Variants in R3HDML observed in about 807,000 individuals in gnomAD.
The protein encoded by R3HDML is R3H domain containing like, also known as peptidase inhibitor R3HDML.
R3HDML carries 21 observed loss-of-function variants against 24.2 expected under a neutral mutation model. The ratio of observed to expected loss-of-function variants is 0.87; its 90% confidence interval spans 0.62 to 1.25. The LOEUF is 1.25. Among genes scored for constraint, R3HDML ranks in the 50% most tolerant of loss-of-function variants. R3HDML has a pLI of 0.00. For missense variants in R3HDML, 301 were observed against 340.3 expected, an observed-to-expected ratio of 0.88 and a Z score of 0.91; for synonymous variants, 133 against 131.5, an observed-to-expected ratio of 1.01 and a Z score of -0.08.
At chr20:44,346,424 T>C (rs145867457) in intron 4 of R3HDML, among the ~76,000 whole-genome samples, 41 of 152,348 alleles carry the variant, frequency 2.7e-4, no homozygotes, top group African/African-American at 9.9e-4. Context: ...CAATAATCCT[T>C]TTCCTTTACC....
rs754265237 is a variant in R3HDML, at chr20:44,350,826, GC to G, written c.*36del. ...TGGGCTTTGGTGCGCCTCCAGCTGG[GC>G]CTGACCCTCCATGTCCTGCCCTCAA... On this transcript the variant is annotated 3_prime_UTR_variant, in exon 5 of 5. Transcript: ENST00000217043. 1 of 1,612,086 alleles carries G rather than the reference GC, an allele frequency of 6.2e-7. No homozygotes were observed. The highest frequency in any genetic ancestry group is 1.7e-5 in the Admixed American group (1 of 59,578).
intron 4 of R3HDML, among the ~76,000 whole-genome samples, 180 bp downstream of exon 4, chr20:44,345,558 C>T (rs1373551675): frequency 6.6e-6 from 1 of 152,080 alleles, no homozygotes; most frequent in African/African-American, 2.4e-5. Context: ...AATCCCAGCA[C>T]TTTGGGAAGC....
Position 44,337,281 on chromosome 20 carries a change from C to T in R3HDML, c.124C>T (p.Arg42Trp), listed in dbSNP as rs201601041. The stretch of plus-strand genomic sequence containing the variant: ...GGCCCAGCCCGAGAGCACGGCTATG[C>T]GGCTCCTGAGTGGCCTGGAGGTGCC... ...APAQPESTAM[R>W]LLSGLEVPRY... Residue 42 changes from arginine to tryptophan, a missense_variant, in exon 1 of 5, where the codon CGG becomes TGG. Arg to Trp is a moderately radical substitution (Grantham distance 101, BLOSUM62 -3). Transcript: ENST00000217043. This position sits in a 1 kb window ranked among gnomAD's most constrained non-coding sequence, Gnocchi z 4.7. The T allele has an allele frequency of 1.1e-5, 18 of 1,614,058 alleles. No individual in the cohort carries two copies. Among genetic ancestry groups the T allele is most frequent in the African/African-American group, 5.3e-5 (4 of 74,934 alleles).
At chr20:44,338,357 T>A (rs1296961517) in intron 1 of R3HDML, among the ~76,000 whole-genome samples, 1 of 152,190 alleles carries the variant, frequency 6.6e-6, no homozygotes, top group Non-Finnish European at 1.5e-5. Context: ...CAAGGCCCCT[T>A]CCTTCACGAA....
At chr20:44,343,645 T>G in intron 3 of R3HDML, 136 bp downstream of exon 3, 1 of 912,378 alleles carries the variant, frequency 1.1e-6, no homozygotes, top group Non-Finnish European at 1.6e-6. Flanking sequence ...GGCATATTCC[T>G]GGAAAGTTGT....
rs2062777567 is a variant in R3HDML at position 44,343,455 on chromosome 20, T to C, written c.459T>C (p.Cys153=). ...ACTTGTTTCCGGCCCCAAGGGACTG[T>C]AACCCACACTGCCCCTGGCGCTGCG... The part of the protein sequence containing the change: ...WHYLFPAPRD[C]NPHCPWRCDG... Residue 153 remains cysteine (C), a synonymous_variant, in exon 3 of 5, where the codon TGT becomes TGC. Transcript: ENST00000217043. 2 of 1,613,040 alleles carry C rather than the reference T, an allele frequency of 1.2e-6. No individual in the cohort carries two copies. Among genetic ancestry groups the C allele is most frequent in the Non-Finnish European group, 8.5e-7 (1 of 1,179,570 alleles).
chr20:44,337,289 G>A lies in R3HDML; in HGVS notation c.132G>A (p.Leu44=), dbSNP rs1334950559. The change falls in exon 1 of 5, where the codon CTG becomes CTA. Residue 44 remains leucine, a synonymous_variant. Coordinates refer to ENST00000217043, the MANE Select transcript of R3HDML (RefSeq NM_178491.4). The surrounding 1 kb of genome is among the most constrained non-coding windows in gnomAD (Gnocchi z 4.7). ...AQPESTAMRL[L]SGLEVPRYRR... ...CCGAGAGCACGGCTATGCGGCTCCT[G>A]AGTGGCCTGGAGGTGCCCAGGTACC... 1.2e-6 allele frequency: 2 copies of A among 1,614,204 alleles called. No homozygotes were observed. Among genetic ancestry groups the A allele is most frequent in the South Asian group, 1.1e-5 (1 of 91,088 alleles).
intron 2 of R3HDML, among the ~76,000 whole-genome samples, chr20:44,342,680 G>A (rs1019698291): frequency 6.6e-6 from 1 of 152,062 alleles, no homozygotes; most frequent in African/African-American, 2.4e-5. Flanking sequence ...GGCCGGGTGC[G>A]GTGGCTCATG....
intron 1 of R3HDML, among the ~76,000 whole-genome samples, chr20:44,340,700 C>T (rs1318428400): frequency 2.0e-5 from 3 of 151,974 alleles, no homozygotes; most frequent in African/African-American, 7.3e-5. Flanking sequence ...GTGGGAGGAT[C>T]GCCTCTCACC....
In R3HDML at chr20:44,343,827, A is replaced by G. The variant is rs982858341; in HGVS notation, c.513+318A>G. On this transcript the variant is annotated intron_variant, in intron 3 of 4. Coordinates refer to ENST00000217043, the MANE Select transcript of R3HDML (RefSeq NM_178491.4). ...ACTCTGTCCCCCCCGCAAAAAATTA[A>G]AAGTTATATATATATAAAGAAAGAA... 5.9e-5 allele frequency among the ~76,000 whole-genome samples: 9 copies of G among 152,200 alleles called. No individual in the cohort carries two copies. In the East Asian group the frequency reaches 1.7e-3, roughly 29 times the overall value.
intron 1 of R3HDML, among the ~76,000 whole-genome samples, chr20:44,338,541 A>G (rs2062763862): frequency 6.6e-6 from 1 of 152,206 alleles, no homozygotes; most frequent in African/African-American, 2.4e-5. Context: ...GTTAGCACCT[A>G]GAATGCCCTC....
intron 4 of R3HDML, among the ~76,000 whole-genome samples, chr20:44,348,496 TTTCCTTTCCTTTC>T (rs2062796825): frequency 1.5e-5 from 1 of 64,612 alleles, no homozygotes; most frequent in African/African-American, 5.9e-5. Context: ...TTTCCTTTCC[TTTCCTTTCCTTTC>T]CTTTCCTTTC....
At chr20:44,344,874 T>G (rs2062782068) in intron 3 of R3HDML, 1 of 187,664 alleles carries the variant, frequency 5.3e-6, no homozygotes, top group African/African-American at 2.4e-5. Flanking sequence ...CTCAATTGAT[T>G]GTTTACAGTC....
chr20:44,337,246 C>CCCCAGCCCCGG lies in R3HDML; in HGVS notation c.98_108dup (p.Glu37ArgfsTer12). 1 of 1,614,048 alleles carries CCCCAGCCCCGG rather than the reference C, an allele frequency of 6.2e-7. No individual in the cohort carries two copies. The highest frequency in any genetic ancestry group is 1.1e-5 in the South Asian group (1 of 91,084). Reference sequence around the variant, plus strand: ...AACGCCTTGATAATGCCTAATGCTACCCCAGCCCCGGCCCAGCCCGAGAGC... The same window carrying CCCCAGCCCCGG: ...AACGCCTTGATAATGCCTAATGCTACCCCAGCCCCGGCCCAGCCCCGGCCCAGCCCGAGAGC... On this transcript the variant is annotated frameshift_variant, in exon 1 of 5. Transcript: ENST00000217043. LOFTEE classifies it high-confidence loss of function. The surrounding 1 kb of genome is among the most constrained non-coding windows in gnomAD (Gnocchi z 4.7).
Position 44,337,090 on chromosome 20 carries a change from C to T in R3HDML, c.-68C>T, listed in dbSNP as rs1183312305. The T allele has an allele frequency of 2.6e-6, 4 of 1,540,304 alleles. No individual in the cohort carries two copies. The highest frequency in any genetic ancestry group is 2.5e-5 in the South Asian group (2 of 81,166). On this transcript the variant is annotated 5_prime_UTR_variant, in exon 1 of 5. Coordinates refer to ENST00000217043, the MANE Select transcript of R3HDML (RefSeq NM_178491.4). This position sits in a 1 kb window ranked among gnomAD's most constrained non-coding sequence, Gnocchi z 4.7. ...GAGAACGCTCAGGGTCTGGTGCTCT[C>T]GTGCCTGCCCCTTCCAGGCAGCCGG...
Position 44,341,204 on chromosome 20 carries a change from C to T in R3HDML, c.270C>T (p.Asp90=), listed in dbSNP as rs1459496658. 1 of 1,612,264 alleles carries T rather than the reference C, an allele frequency of 6.2e-7. No homozygotes were observed. Among genetic ancestry groups the T allele is most frequent in the South Asian group, 1.1e-5 (1 of 90,916 alleles). Residue 90 remains aspartate (D), a synonymous_variant, in exon 2 of 5, where the codon GAC becomes GAT. Coordinates refer to ENST00000217043, the MANE Select transcript of R3HDML (RefSeq NM_178491.4). ...TGCCTTTCTTTCCCCAGGTCTGGGA[C>T]AAGCGGCTGGCCAGGGCTGCCGAAG... ...PAANMEYMVW[D]KRLARAAEAW...
chr20:44,350,312 G>T (rs983030672), intron 4 of R3HDML, among the ~76,000 whole-genome samples: 3 of 151,928 alleles, frequency 2.0e-5, no homozygotes, highest in Non-Finnish European at 4.4e-5. Context: ...CCAGAAGTTT[G>T]AGACCAGCCT....
Position 44,345,359 on chromosome 20 carries a change from G to T in R3HDML, c.610G>T (p.Val204Phe). Residue 204 changes from valine to phenylalanine, a missense_variant, in exon 4 of 5, where the codon GTC becomes TTC. By Grantham distance (50) the Val-to-Phe change is conservative (BLOSUM62 -1). Coordinates refer to ENST00000217043, the MANE Select transcript of R3HDML (RefSeq NM_178491.4). ...CACCTGGCATCGGGCGGCATACCTG[G>T]TCTGCAACTATGCCATTAAGTAAGT... is the stretch of plus-strand genomic sequence containing the variant. ...GNTWHRAAYL[V>F]CNYAIKGNWI... The T allele has an allele frequency of 6.2e-7, 1 of 1,613,628 alleles. No homozygotes were observed. The highest frequency in any genetic ancestry group is 8.5e-7 in the Non-Finnish European group (1 of 1,179,734).
At chr20:44,341,375 C>T in intron 2 of R3HDML, 61 bp downstream of exon 2, 1 of 1,347,820 alleles carries the variant, frequency 7.4e-7, no homozygotes, top group South Asian at 1.3e-5. Flanking sequence ...TGAACACTTA[C>T]TCTGTACCAG....
Sources: allele counts gnomAD v4.1 joint callset (sites outside exome capture counted in the v4.1 genomes callset), GRCh38; gene constraint gnomAD v4.1.1; non-coding constraint Gnocchi (gnomAD v3.1); transcripts MANE v1.5; gene names NCBI Gene and HGNC (gene_info 2026-07-23, HGNC 2026-07-21).